The following KLF12 variants were observed in gnomAD, a reference collection of about 807,000 sequenced individuals.
KLF12 encodes the protein KLF transcription factor 12, also known as Krueppel-like factor 12.
Under a neutral mutation model 37.8 loss-of-function variants are expected in KLF12, and 9 were observed. The observed-to-expected ratio is 0.24, with a 90% confidence interval of 0.14 to 0.42. The LOEUF (loss-of-function observed/expected upper bound fraction) is 0.42, where lower values mean the gene tolerates loss of function less well. KLF12 is among the 10% of genes least tolerant of loss of function. KLF12 has a pLI of 1.00. For synonymous variants in KLF12, 208 were observed against 202.1 expected, an observed-to-expected ratio of 1.03 and a Z score of -0.25; for missense variants, 411 against 516.0, an observed-to-expected ratio of 0.80 and a Z score of 1.97.
At chr13:73,723,624 G>A (rs1191692160) in intron 6 of KLF12, among the ~76,000 whole-genome samples, 1 of 152,128 alleles carries the variant, frequency 6.6e-6, no homozygotes, top group Admixed American at 6.6e-5. Flanking sequence ...TATGAGAACA[G>A]CACTTTATCT....
At position 74,100,644 on chromosome 13, in the gene KLF12, T is replaced by C. The variant is rs112031942; in HGVS notation, c.-32+33095A>G. 3.4e-3 allele frequency among the ~76,000 whole-genome samples: 519 copies of C among 151,830 alleles called. 4 individuals carry two copies. Among genetic ancestry groups the C allele is most frequent in the African/African-American group, 0.012 (503 of 41,380 alleles). ...ATATATATATATATATGTATAAACATAGATATAAACACCTCAAATATATGT... is the reference window on the plus strand; with the variant it reads ...ATATATATATATATATGTATAAACACAGATATAAACACCTCAAATATATGT... On this transcript the variant is annotated intron_variant, in intron 1 of 7. Transcript: ENST00000377669.
rs1873685732 is a variant in KLF12, at chr13:73,689,341, C to G, written c.*6149G>C. On this transcript the variant is annotated 3_prime_UTR_variant, in exon 8 of 8. Transcript: ENST00000377669. ...TGAGTCCATCATGGAAGTCTAAAGCCTGAATGTTTAATCACAGTCCTACTT... is the reference window on the plus strand; with the variant it reads ...TGAGTCCATCATGGAAGTCTAAAGCGTGAATGTTTAATCACAGTCCTACTT... The G allele has an allele frequency of 6.6e-6, 1 of 152,014 alleles. No homozygotes were observed. Among genetic ancestry groups the G allele is most frequent in the Admixed American group, 6.6e-5 (1 of 15,250 alleles). The allele number at this position is 152,014 out of a possible 1,614,324, so 9.4% of individuals were successfully genotyped here.
intron 6 of KLF12, among the ~76,000 whole-genome samples, chr13:73,738,538 CT>C (rs1877702434): frequency 6.6e-6 from 1 of 152,010 alleles, no homozygotes; most frequent in Non-Finnish European, 1.5e-5. Flanking sequence ...TGTCTCTGAT[CT>C]TTCGAATCTC....
At chr13:73,715,631 G>A in intron 6 of KLF12, 106 bp from the exon 7 acceptor site, 1 of 1,118,530 alleles carries the variant, frequency 8.9e-7, no homozygotes, top group East Asian at 2.4e-5. Flanking sequence ...ACAGACTCAA[G>A]GCCACCATGA....
chr13:73,697,578 T>C (rs891289951), intron 7 of KLF12, among the ~76,000 whole-genome samples: 1 of 152,198 alleles, frequency 6.6e-6, no homozygotes, highest in African/African-American at 2.4e-5. Context: ...ACGTGTTACA[T>C]GTCATCTCTA....
Position 73,810,430 on chromosome 13 carries a change from C to CT in KLF12, c.806+2721dup, listed in dbSNP as rs1164345730. On this transcript the variant is annotated intron_variant, in intron 5 of 7. Transcript: ENST00000377669. ...ACAAGCCCCAAATGGAGTAAGCATA[C>CT]TTTTTTTATTTTACTTTATTTTATT... Among the ~76,000 whole-genome samples, 7 of 152,032 alleles carry CT rather than the reference C, an allele frequency of 4.6e-5. No individual in the cohort carries two copies. The East Asian group carries it at 1.4e-3, about 29-fold the overall frequency.
chr13:73,822,659 A>G (rs997963253), intron 4 of KLF12, among the ~76,000 whole-genome samples: 1 of 152,232 alleles, frequency 6.6e-6, no homozygotes, highest in African/African-American at 2.4e-5. Context: ...AATCATGACT[A>G]AGACTACTTT....
At position 73,693,116 on chromosome 13, in the gene KLF12, C is replaced by T. The variant is rs766921629; in HGVS notation, c.*2374G>A. 1.3e-5 allele frequency: 2 copies of T among 152,168 alleles called. No homozygotes were observed. The highest frequency in any genetic ancestry group is 2.9e-5 in the Non-Finnish European group (2 of 68,036). The allele number at this position is 152,168 out of a possible 1,614,324, so 9.4% of individuals were successfully genotyped here. A position where few individuals can be genotyped will look rare whatever the true frequency, so the allele number is the denominator to read the frequency against. On this transcript the variant is annotated 3_prime_UTR_variant, in exon 8 of 8. Transcript: ENST00000377669. ...AGAGCAAGCAGGACTAAATACAAAT[C>T]TACACTTCACTTGAGAGATGCACCC...
At chr13:74,026,620 T>G (rs147258836) in intron 1 of KLF12, among the ~76,000 whole-genome samples, 4 of 152,224 alleles carry the variant, frequency 2.6e-5, no homozygotes, top group African/African-American at 9.6e-5. Flanking sequence ...AGTACATTTC[T>G]GTTACATGTA....
At chr13:73,832,135 T>C (rs1884193624) in intron 4 of KLF12, among the ~76,000 whole-genome samples, 1 of 152,206 alleles carries the variant, frequency 6.6e-6, no homozygotes, top group Non-Finnish European at 1.5e-5. Flanking sequence ...TTTTGTATCA[T>C]ATGCAGTGTC....
chr13:73,872,376 C>T (rs2037360210), intron 3 of KLF12, among the ~76,000 whole-genome samples: 2 of 152,124 alleles, frequency 1.3e-5, no homozygotes, highest in African/African-American at 4.8e-5. Context: ...CTATTAGTTT[C>T]ATTCAGTATT....
intron 5 of KLF12, among the ~76,000 whole-genome samples, chr13:73,807,374 C>G (rs1354124978): frequency 1.3e-5 from 2 of 151,768 alleles, no homozygotes; most frequent in South Asian, 4.2e-4. Context: ...AATAGGGTAT[C>G]TAACTTGCTA....
chr13:74,099,373 T>C (rs1305756942), intron 1 of KLF12, among the ~76,000 whole-genome samples: 1 of 152,044 alleles, frequency 6.6e-6, no homozygotes, highest in African/African-American at 2.4e-5. Context: ...AAAATCACTT[T>C]GCACTTTGCC....
At chr13:73,883,237 A>T (rs1200039710) in intron 3 of KLF12, among the ~76,000 whole-genome samples, 1 of 152,198 alleles carries the variant, frequency 6.6e-6, no homozygotes, top group Non-Finnish European at 1.5e-5. Flanking sequence ...AACTCTTTAA[A>T]AACAAAAACA....
At chr13:74,244,585 T>A in the KLF12 span, among the ~76,000 whole-genome samples, 1 of 152,198 alleles carries the variant, frequency 6.6e-6, no homozygotes, top group Non-Finnish European at 1.5e-5. Flanking sequence ...ATGATACTTC[T>A]CAAACATTTC....
At chr13:74,038,911 A>G (rs370819779) in intron 1 of KLF12, among the ~76,000 whole-genome samples, 78 of 147,712 alleles carry the variant, frequency 5.3e-4, no homozygotes, top group African/African-American at 1.5e-3. Context: ...ATCCCAGGGG[A>G]AAAAAAAATG....
At chr13:74,294,853 C>T in the KLF12 span, among the ~76,000 whole-genome samples, 1 of 152,188 alleles carries the variant, frequency 6.6e-6, no homozygotes, top group African/African-American at 2.4e-5. Flanking sequence ...TCCGATTTAT[C>T]TCCCAAGCCC....
In KLF12 at chr13:73,817,318, CA is replaced by C. The variant is rs749318816; in HGVS notation, c.671-4032del. On this transcript the variant is annotated intron_variant, in intron 4 of 7. Coordinates refer to ENST00000377669, the MANE Select transcript of KLF12 (RefSeq NM_007249.5). ...TGAGCAACAGAGTGAGATCCTGTTT[CA>C]AAAAAAAAAGAAAAGAAAAAAAAGA... 6.9e-4 allele frequency among the ~76,000 whole-genome samples: 36 copies of C among 52,220 alleles called. No homozygotes were observed. The South Asian group carries it at 0.012, about 18-fold the overall frequency. 34.3% of individuals were successfully genotyped at this position (52,220 alleles called of 152,430 possible).
rs546797328 is a variant in KLF12, at chr13:73,711,774, T to A, written c.1027+3594A>T. Among the ~76,000 whole-genome samples the A allele has an allele frequency of 1.6e-4, 25 of 152,302 alleles. No homozygotes were observed. The South Asian group carries it at 5.2e-3, about 32-fold the overall frequency. On this transcript the variant is annotated intron_variant, in intron 7 of 7. Coordinates refer to ENST00000377669, the MANE Select transcript of KLF12 (RefSeq NM_007249.5). The stretch of plus-strand genomic sequence containing the variant: ...TCAAGGAGTCATTTTGACTTTTAAG[T>A]CTTATCATTTAAGAAATACATTTCG...
Sources: allele counts gnomAD v4.1 joint callset (sites outside exome capture counted in the v4.1 genomes callset), GRCh38; gene constraint gnomAD v4.1.1; transcripts MANE v1.5; gene names NCBI Gene and HGNC (gene_info 2026-07-23, HGNC 2026-07-21).